Variants in NUTF2 observed in about 807,000 individuals in gnomAD.
NUTF2 encodes the protein nuclear transport factor 2, also known as placental protein 15.
In NUTF2, 3 loss-of-function variants were observed where a neutral mutation model predicts 18.5. The observed-to-expected ratio is 0.16, with a 90% CI of 0.07 to 0.42. The LOEUF (loss-of-function observed/expected upper bound fraction) is 0.42. Among genes scored for constraint, NUTF2 ranks in the 10% least tolerant of loss-of-function variants. The probability of loss-of-function intolerance (pLI) is 0.99; values close to 1 mark genes in which losing one functional copy is unlikely to be tolerated. For synonymous variants in NUTF2, 51 were observed against 57.9 expected, an observed-to-expected ratio of 0.88 and a Z score of 0.54; for missense variants, 44 against 160.7, an observed-to-expected ratio of 0.27 and a Z score of 3.93.
At position 67,872,522 on chromosome 16, in the gene NUTF2, C is replaced by A; in HGVS notation, c.*1609C>A. The A allele has an allele frequency of 6.6e-6, 1 of 152,362 alleles. No homozygotes were observed. Among genetic ancestry groups the A allele is most frequent in the Non-Finnish European group, 1.5e-5 (1 of 68,070 alleles). The allele number at this position is 152,362 out of a possible 1,614,324, so 9.4% of individuals were successfully genotyped here. ...GTAAAATCTGCAATACGGCTTCTTC[C>A]ATGTACCTGTGCCTGAACTGTCTGC... On this transcript the variant is annotated 3_prime_UTR_variant, in exon 5 of 5. Coordinates refer to ENST00000219169, the MANE Select transcript of NUTF2 (RefSeq NM_005796.3).
intron 2 of NUTF2, among the ~76,000 whole-genome samples, chr16:67,866,718 C>T (rs2057974879): frequency 6.6e-6 from 1 of 151,770 alleles, no homozygotes; most frequent in African/African-American, 2.4e-5. Context: ...TTGCCTGCCT[C>T]AGCTTCCCAA....
At chr16:67,859,795 CTTTTTTTTT>C (rs34914554) in intron 1 of NUTF2, among the ~76,000 whole-genome samples, 3 of 45,626 alleles carry the variant, frequency 6.6e-5, no homozygotes, top group South Asian at 2.1e-3. Context: ...TGCGCCAGGC[CTTTTTTTTT>C]TTTTTTTTTT....
At chr16:67,853,438 T>C (rs1270836893) in intron 1 of NUTF2, among the ~76,000 whole-genome samples, 1 of 152,088 alleles carries the variant, frequency 6.6e-6, no homozygotes, top group African/African-American at 2.4e-5. Flanking sequence ...GCTCACAGCA[T>C]CCTCCACCTT....
At chr16:67,847,104 G>T (rs1318584621) in intron 1 of NUTF2, 119 bp downstream of exon 1, 2 of 150,652 alleles carry the variant, frequency 1.3e-5, no homozygotes, top group Non-Finnish European at 3.0e-5. Flanking sequence ...CCCCCCGGCG[G>T]CCCGAAGCCG....
At chr16:67,850,267 C>G (rs1356412670) in intron 1 of NUTF2, among the ~76,000 whole-genome samples, 1 of 150,212 alleles carries the variant, frequency 6.7e-6, no homozygotes, top group Non-Finnish European at 1.5e-5. Flanking sequence ...TGCAGTGGCG[C>G]GATCTCGGCT....
chr16:67,865,045 C>T, intron 1 of NUTF2, 57 bp from the exon 2 acceptor site: 1 of 841,938 alleles, frequency 1.2e-6, no homozygotes, highest in Non-Finnish European at 2.0e-6. Flanking sequence ...GGGTCAGTGG[C>T]TGGTCACCTA....
At chr16:67,867,945 C>G (rs760042389) in intron 2 of NUTF2, among the ~76,000 whole-genome samples, 1 of 152,048 alleles carries the variant, frequency 6.6e-6, no homozygotes, top group Admixed American at 6.6e-5. Context: ...CTTGGCTTCC[C>G]AAAGTTCTGG....
At chr16:67,854,406 C>G (rs1335629724) in intron 1 of NUTF2, among the ~76,000 whole-genome samples, 3 of 152,210 alleles carry the variant, frequency 2.0e-5, no homozygotes, top group Non-Finnish European at 4.4e-5. Context: ...GAATTCTCCA[C>G]AGAGGTGGGA....
rs138819505 is a variant in NUTF2, at chr16:67,849,290, C to T, written c.-30+2305C>T. Among the ~76,000 whole-genome samples, 21 of 152,324 alleles carry T rather than the reference C, an allele frequency of 1.4e-4. No individual in the cohort carries two copies. In the East Asian group the frequency reaches 3.3e-3, roughly 24 times the overall value. Reference sequence around the variant, plus strand: ...CACAGATTTCAGGTGAGCTGGCTTACGGCTATGGCGTAGTTTGCGTATTTC... The same window carrying T: ...CACAGATTTCAGGTGAGCTGGCTTATGGCTATGGCGTAGTTTGCGTATTTC... On this transcript the variant is annotated intron_variant, in intron 1 of 4. Coordinates refer to ENST00000219169, the MANE Select transcript of NUTF2 (RefSeq NM_005796.3).
At chr16:67,867,907 C>T (rs1054039927) in intron 2 of NUTF2, among the ~76,000 whole-genome samples, 4 of 152,014 alleles carry the variant, frequency 2.6e-5, no homozygotes, top group Non-Finnish European at 4.4e-5. Context: ...AGGCTGGTCT[C>T]GATGTCCTGA....
chr16:67,847,893 C>T (rs2057818876), intron 1 of NUTF2: 1 of 152,210 alleles, frequency 6.6e-6, no homozygotes, highest in South Asian at 2.1e-4. Context: ...AAACCAGAAC[C>T]TGGGCTGGAA....
chr16:67,851,667 C>A (rs571081557), intron 1 of NUTF2, among the ~76,000 whole-genome samples: 1 of 152,182 alleles, frequency 6.6e-6, no homozygotes, highest in Admixed American at 6.6e-5. Flanking sequence ...CTACCCCCGC[C>A]CCAGGACAGG....
At chr16:67,848,700 C>G (rs1014822754) in intron 1 of NUTF2, among the ~76,000 whole-genome samples, 7 of 151,828 alleles carry the variant, frequency 4.6e-5, no homozygotes, top group African/African-American at 1.7e-4. Context: ...AGAGATCATG[C>G]CACTGCACTC....
intron 3 of NUTF2, 39 bp from the exon 4 acceptor site, chr16:67,868,462 T>G (rs773871176): frequency 2.2e-4 from 354 of 1,613,620 alleles, no homozygotes; most frequent in Admixed American, 3.2e-4. Context: ...CCACCCCTTC[T>G]GGCCTTGGTT....
At chr16:67,853,205 C>G (rs942711219) in intron 1 of NUTF2, among the ~76,000 whole-genome samples, 6 of 152,122 alleles carry the variant, frequency 3.9e-5, no homozygotes, top group South Asian at 2.1e-4. Context: ...CCCAGAAGTT[C>G]AAGTCTGCAG....
At chr16:67,850,133 T>C (rs1212893618) in intron 1 of NUTF2, among the ~76,000 whole-genome samples, 1 of 151,682 alleles carries the variant, frequency 6.6e-6, no homozygotes, top group South Asian at 2.1e-4. Context: ...CTTTTCCTTC[T>C]CCAACGTTAC....
At chr16:67,850,850 G>C (rs1452041254) in intron 1 of NUTF2, among the ~76,000 whole-genome samples, 1 of 151,940 alleles carries the variant, frequency 6.6e-6, no homozygotes, top group Non-Finnish European at 1.5e-5. Context: ...GCCCAGGCTG[G>C]AGTGCAGTGG....
intron 1 of NUTF2, among the ~76,000 whole-genome samples, chr16:67,857,990 A>G (rs1338674137): frequency 6.6e-6 from 1 of 152,192 alleles, no homozygotes; most frequent in Non-Finnish European, 1.5e-5. Context: ...TCATGCACTT[A>G]GTCAACAAAT....
chr16:67,855,695 A>G (rs891810323), intron 1 of NUTF2, among the ~76,000 whole-genome samples: 1 of 152,116 alleles, frequency 6.6e-6, no homozygotes, highest in Admixed American at 6.6e-5. Context: ...CTGTGTGGAG[A>G]TACTGGTTCC....
Sources: allele counts gnomAD v4.1 joint callset (sites outside exome capture counted in the v4.1 genomes callset), GRCh38; gene constraint gnomAD v4.1.1; transcripts MANE v1.5; gene names NCBI Gene and HGNC (gene_info 2026-07-23, HGNC 2026-07-21).